The following EXOC6B variants were observed in gnomAD, a reference collection of about 807,000 sequenced individuals.
EXOC6B encodes the protein SEC15 homolog B.
A neutral mutation model predicts 113.5 loss-of-function variants in EXOC6B; 54 were observed. That is an observed-to-expected ratio of 0.48 (90% CI 0.38 to 0.60). The LOEUF is 0.60. EXOC6B is among the 20% of genes least tolerant of loss of function. EXOC6B has a pLI of 0.00. For missense variants in EXOC6B, 797 were observed against 977.5 expected, an observed-to-expected ratio of 0.82 and a Z score of 2.46; for synonymous variants, 357 against 339.0, an observed-to-expected ratio of 1.05 and a Z score of -0.58.
chr2:72,359,050 C>A (rs1690139474), intron 19 of EXOC6B, among the ~76,000 whole-genome samples: 1 of 152,172 alleles, frequency 6.6e-6, no homozygotes. Context: ...GTGGGGCAGA[C>A]AAGATCCTTG....
At chr2:72,459,107 CAT>C (rs764667418) in intron 18 of EXOC6B, among the ~76,000 whole-genome samples, 1 of 151,884 alleles carries the variant, frequency 6.6e-6, no homozygotes, top group Non-Finnish European at 1.5e-5. Context: ...ACAAAAACCA[CAT>C]GATTATCTCA....
At chr2:72,629,787 C>T (rs1672274101) in intron 6 of EXOC6B, among the ~76,000 whole-genome samples, 1 of 152,160 alleles carries the variant, frequency 6.6e-6, no homozygotes, top group South Asian at 2.1e-4. Flanking sequence ...GAATTACCTT[C>T]CAATTTGTAA....
intron 1 of EXOC6B, among the ~76,000 whole-genome samples, chr2:72,787,062 A>T (rs1284322866): frequency 1.3e-5 from 2 of 152,206 alleles, no homozygotes; most frequent in Non-Finnish European, 2.9e-5. Context: ...AATGAACTAT[A>T]AGCCAAAACA....
At chr2:72,310,958 C>G (rs1345341478) in intron 20 of EXOC6B, among the ~76,000 whole-genome samples, 3 of 151,916 alleles carry the variant, frequency 2.0e-5, no homozygotes, top group South Asian at 2.1e-4. Flanking sequence ...GGTATTTTCT[C>G]AAAGTCATTC....
At position 72,781,202 on chromosome 2, in the gene EXOC6B, A is replaced by AT. The variant is rs1186856549; in HGVS notation, c.114-39734dup. On this transcript the variant is annotated intron_variant, in intron 1 of 21. Coordinates refer to ENST00000272427, the MANE Select transcript of EXOC6B (RefSeq NM_015189.3). The stretch of plus-strand genomic sequence containing the variant: ...CAATCTTACCCTAACATTTCTATCC[A>AT]TTTTTTCTTCATACTGTTCCTCTAC... Among the ~76,000 whole-genome samples the AT allele has an allele frequency of 1.3e-5, 2 of 152,014 alleles. 1 individual carries two copies. Among genetic ancestry groups the AT allele is most frequent in the Admixed American group, 1.3e-4 (2 of 15,240 alleles).
At chr2:72,470,702 G>A (rs947562694) in intron 17 of EXOC6B, among the ~76,000 whole-genome samples, 101 of 149,852 alleles carry the variant, frequency 6.7e-4, no homozygotes, top group African/African-American at 2.5e-3. Flanking sequence ...CCACCTAGGA[G>A]TGAGAACATG....
intron 18 of EXOC6B, among the ~76,000 whole-genome samples, chr2:72,414,442 T>C (rs1407318855): frequency 6.6e-6 from 1 of 151,926 alleles, no homozygotes; most frequent in South Asian, 2.1e-4. Context: ...TAAATACTTA[T>C]CCACAACGGA....
At chr2:72,201,231 C>T (rs1433200858) in intron 20 of EXOC6B, among the ~76,000 whole-genome samples, 1 of 151,954 alleles carries the variant, frequency 6.6e-6, no homozygotes, top group African/African-American at 2.4e-5. Context: ...ATTTAACTGC[C>T]AAATAGTGTT....
At chr2:72,194,597 C>CTCTCTCTCTCTG (rs747161190) in intron 20 of EXOC6B, among the ~76,000 whole-genome samples, 134 of 147,402 alleles carry the variant, frequency 9.1e-4, no homozygotes, top group Non-Finnish European at 1.2e-3. Context: ...CTCTCTCTCT[C>CTCTCTCTCTCTG]TGTGTGTGTG....
chr2:72,299,887 T>C (rs1416894699), intron 20 of EXOC6B, among the ~76,000 whole-genome samples: 1 of 152,172 alleles, frequency 6.6e-6, no homozygotes, highest in African/African-American at 2.4e-5. Flanking sequence ...ATAGCAAAGA[T>C]TGCTGCCTGT....
At chr2:72,810,187 G>A (rs1218786673) in intron 1 of EXOC6B, among the ~76,000 whole-genome samples, 2 of 151,846 alleles carry the variant, frequency 1.3e-5, no homozygotes, top group African/African-American at 4.8e-5. Context: ...ATGAAGCTTG[G>A]GCAAGATGGT....
chr2:72,516,506 G>A (rs944583070), intron 8 of EXOC6B, among the ~76,000 whole-genome samples: 1 of 152,138 alleles, frequency 6.6e-6, no homozygotes, highest in Non-Finnish European at 1.5e-5. Flanking sequence ...CTCCCAAAGT[G>A]CTGGGATTAC....
intron 18 of EXOC6B, among the ~76,000 whole-genome samples, chr2:72,429,615 A>G (rs1457389316): frequency 2.6e-5 from 4 of 152,234 alleles, no homozygotes; most frequent in African/African-American, 9.6e-5. Context: ...TTCAGACACA[A>G]AAAGTGATTC....
chr2:72,671,325 A>G (rs936702073), intron 6 of EXOC6B, among the ~76,000 whole-genome samples: 7 of 152,156 alleles, frequency 4.6e-5, no homozygotes, highest in African/African-American at 1.4e-4. Flanking sequence ...GTAAAACAAA[A>G]TCTCATTTAA....
At chr2:72,617,625 C>A (rs1176642320) in intron 6 of EXOC6B, among the ~76,000 whole-genome samples, 1 of 142,660 alleles carries the variant, frequency 7.0e-6, no homozygotes, top group Non-Finnish European at 1.5e-5. Flanking sequence ...CAGGTTCAAG[C>A]AATTCTCCTG....
chr2:72,271,118 T>C (rs1402793120), intron 20 of EXOC6B, among the ~76,000 whole-genome samples: 2 of 152,158 alleles, frequency 1.3e-5, no homozygotes, highest in South Asian at 4.1e-4. Flanking sequence ...TTTCCTATTA[T>C]GTTGAGAAAC....
At chr2:72,613,129 CTT>C (rs1264234602) in intron 6 of EXOC6B, among the ~76,000 whole-genome samples, 1 of 152,040 alleles carries the variant, frequency 6.6e-6, no homozygotes, top group African/African-American at 2.4e-5. Context: ...TATTTTTTGA[CTT>C]AATGATCAGT....
intron 6 of EXOC6B, among the ~76,000 whole-genome samples, chr2:72,699,614 T>C (rs1678158978): frequency 6.6e-6 from 1 of 152,180 alleles, no homozygotes. Context: ...GAAAGTAGGC[T>C]GGACTATTTT....
At chr2:72,699,829 T>C (rs1227221748) in intron 6 of EXOC6B, among the ~76,000 whole-genome samples, 1 of 152,050 alleles carries the variant, frequency 6.6e-6, no homozygotes, top group Non-Finnish European at 1.5e-5. Context: ...ACCACCATGG[T>C]TCAAGATAGC....
Sources: allele counts gnomAD v4.1 joint callset (sites outside exome capture counted in the v4.1 genomes callset), GRCh38; gene constraint gnomAD v4.1.1; transcripts MANE v1.5; gene names NCBI Gene and HGNC (gene_info 2026-07-23, HGNC 2026-07-21).